AUTS2: variants seen among roughly 807,000 people sequenced by gnomAD.
AUTS2 encodes the protein activator of transcription and developmental regulator AUTS2.
A neutral mutation model predicts 112.4 loss-of-function variants in AUTS2; 17 were observed. The observed-to-expected ratio is 0.15, with a 90% confidence interval of 0.10 to 0.23. The LOEUF (loss-of-function observed/expected upper bound fraction) is 0.23, where lower values mean the gene tolerates loss of function less well. AUTS2 is among the 10% of genes least tolerant of loss of function. AUTS2 has a pLI of 1.00. For synonymous variants in AUTS2, 751 were observed against 702.7 expected (o/e 1.07, Z -1.09); for missense variants, 1,510 against 1,701.6 (o/e 0.89, Z 1.98).
intron 5 of AUTS2, among the ~76,000 whole-genome samples, chr7:70,648,806 GAACTCCTT>G (rs1563101075): frequency 6.6e-6 from 1 of 151,974 alleles, no homozygotes; most frequent in Non-Finnish European, 1.5e-5. Flanking sequence ...AGCTGGTCTC[GAACTCCTT>G]ACCTCAAATG....
chr7:70,521,807 A>G (rs1257126977), intron 5 of AUTS2, among the ~76,000 whole-genome samples: 7 of 152,156 alleles, frequency 4.6e-5, no homozygotes, highest in Non-Finnish European at 1.0e-4. Flanking sequence ...CAAACGGCCC[A>G]TTTCACTGAG....
At chr7:70,708,886 G>A (rs1048582263) in intron 6 of AUTS2, among the ~76,000 whole-genome samples, 6 of 146,280 alleles carry the variant, frequency 4.1e-5, no homozygotes, top group Non-Finnish European at 6.1e-5. Flanking sequence ...CTTTTTTCAC[G>A]TTTCTTCAGT....
intron 1 of AUTS2, among the ~76,000 whole-genome samples, chr7:69,693,524 C>T (rs141480311): frequency 1.3e-5 from 2 of 152,320 alleles, no homozygotes; most frequent in East Asian, 3.9e-4. Flanking sequence ...TGTTAATATA[C>T]TTGACTGCTT....
chr7:70,196,434 G>T (rs1451849485), intron 4 of AUTS2, among the ~76,000 whole-genome samples: 1 of 152,200 alleles, frequency 6.6e-6, no homozygotes, highest in South Asian at 2.1e-4. Context: ...GATGGACTGT[G>T]AATATATTTT....
At chr7:70,001,037 T>G (rs576264954) in intron 2 of AUTS2, among the ~76,000 whole-genome samples, 1 of 152,304 alleles carries the variant, frequency 6.6e-6, no homozygotes, top group African/African-American at 2.4e-5. Context: ...CCTAGAAGTC[T>G]TGTCTATTGG....
intron 2 of AUTS2, among the ~76,000 whole-genome samples, chr7:70,079,746 A>G (rs933902675): frequency 2.0e-5 from 3 of 152,134 alleles, no homozygotes; most frequent in African/African-American, 7.2e-5. Flanking sequence ...TATTTACACC[A>G]CAGAAATTGG....
In AUTS2 at chr7:70,600,433, T is replaced by A. The variant is rs538233031; in HGVS notation, c.691-98136T>A. ...TGGGACTACAGGCGCCCGCCACCAC[T>A]CCTGGCTAATTTTTGTATTTTTAGT... On this transcript the variant is annotated intron_variant, in intron 5 of 18. Coordinates refer to ENST00000342771, the MANE Select transcript of AUTS2 (RefSeq NM_015570.4). Among the ~76,000 whole-genome samples, 21 of 151,950 alleles carry A rather than the reference T, an allele frequency of 1.4e-4. No homozygotes were observed. The South Asian group carries it at 4.4e-3, about 32-fold the overall frequency.
At chr7:70,133,782 C>G (rs188564263) in intron 3 of AUTS2, among the ~76,000 whole-genome samples, 1 of 152,128 alleles carries the variant, frequency 6.6e-6, no homozygotes, top group South Asian at 2.1e-4. Context: ...GTTTAAAATA[C>G]ATTTTTTGGG....
chr7:70,773,472 T>C (rs777259144), intron 11 of AUTS2, among the ~76,000 whole-genome samples: 2 of 152,198 alleles, frequency 1.3e-5, no homozygotes, highest in African/African-American at 2.4e-5. Flanking sequence ...AAAGAGCAGA[T>C]CCGCAAGGTC....
rs1210167763 is a variant in AUTS2 at position 70,631,114 on chromosome 7, A to T, written c.691-67455A>T. Among the ~76,000 whole-genome samples, 8 of 152,084 alleles carry T rather than the reference A, an allele frequency of 5.3e-5. No individual in the cohort carries two copies. Among genetic ancestry groups the T allele is most frequent in the Admixed American group, 3.3e-4 (5 of 15,258 alleles). The stretch of plus-strand genomic sequence containing the variant: ...CCCTCAGCAGCAGCCACAGCCAGCA[A>T]CCCGCTCTGGCCCCTCGCCGCGCCA... On this transcript the variant is annotated intron_variant, in intron 5 of 18. Transcript: ENST00000342771. This position sits in a 1 kb window ranked among gnomAD's most constrained non-coding sequence, Gnocchi z 4.5.
intron 1 of AUTS2, among the ~76,000 whole-genome samples, chr7:69,609,373 G>C (rs957505385): frequency 1.3e-5 from 2 of 152,108 alleles, no homozygotes; most frequent in African/African-American, 4.8e-5. Context: ...CTCTCCCTGC[G>C]CTCTCTCCCA....
chr7:70,664,966 A>G (rs373166329), intron 5 of AUTS2, among the ~76,000 whole-genome samples: 57 of 152,140 alleles, frequency 3.7e-4, no homozygotes, highest in African/African-American at 1.4e-3. Flanking sequence ...CTAGCTACTC[A>G]GGAGGCTGAG....
intron 2 of AUTS2, among the ~76,000 whole-genome samples, chr7:69,917,520 C>A (rs1006205984): frequency 1.4e-5 from 2 of 146,532 alleles, no homozygotes; most frequent in African/African-American, 5.5e-5. Context: ...CTTTAAGGGG[C>A]CTGCTGGTTT....
chr7:70,749,023 G>T (rs527994951), intron 6 of AUTS2, among the ~76,000 whole-genome samples: 2 of 152,256 alleles, frequency 1.3e-5, no homozygotes, highest in African/African-American at 4.8e-5. Context: ...CATAGAGCCG[G>T]ACTGGGAACA....
intron 4 of AUTS2, among the ~76,000 whole-genome samples, chr7:70,181,000 A>G (rs937376904): frequency 6.6e-6 from 1 of 152,186 alleles, no homozygotes; most frequent in Non-Finnish European, 1.5e-5. Flanking sequence ...ATTTCTTTAT[A>G]TATTTTTCAC....
chr7:69,962,152 C>A (rs1797455946), intron 2 of AUTS2, among the ~76,000 whole-genome samples: 1 of 152,130 alleles, frequency 6.6e-6, no homozygotes, highest in Admixed American at 6.6e-5. Flanking sequence ...TTCTTCCTTA[C>A]AAGATGGCTT....
chr7:70,615,573 TGTTGTTG>T (rs545168451), intron 5 of AUTS2, among the ~76,000 whole-genome samples: 150 of 151,138 alleles, frequency 9.9e-4, no homozygotes, highest in Non-Finnish European at 2.0e-3. Context: ...GGCTTGTTGT[TGTTGTTG>T]TTGTTGTTGT....
intron 5 of AUTS2, among the ~76,000 whole-genome samples, chr7:70,528,043 C>T (rs990198425): frequency 6.8e-6 from 1 of 146,800 alleles, no homozygotes; most frequent in African/African-American, 2.5e-5. Context: ...GGATGGGTAA[C>T]ATAGACCATT....
intron 2 of AUTS2, among the ~76,000 whole-genome samples, chr7:70,009,227 A>G (rs1472506583): frequency 6.6e-6 from 1 of 152,122 alleles, no homozygotes; most frequent in Non-Finnish European, 1.5e-5. Context: ...GCAATAACCA[A>G]CCCAACTCCA....
Sources: gnomAD v4.1 joint callset for allele counts (sites outside exome capture counted in the v4.1 genomes callset) on GRCh38, gnomAD v4.1.1 for gene constraint, Gnocchi (gnomAD v3.1) non-coding constraint, MANE v1.5 for transcripts, NCBI Gene and HGNC (gene_info 2026-07-23, HGNC 2026-07-21) for gene names.